DCC: variants seen among roughly 807,000 people sequenced by gnomAD.
The protein encoded by DCC is DCC netrin 1 receptor, also known as netrin receptor DCC.
A neutral mutation model predicts 172.5 loss-of-function variants in DCC; 58 were observed. That is an observed-to-expected ratio of 0.34 (90% CI 0.27 to 0.42). The LOEUF is 0.42. DCC is among the 10% of genes least tolerant of loss of function. DCC has a pLI of 1.00. For synonymous variants in DCC, 709 were observed against 644.5 expected, an observed-to-expected ratio of 1.10 and a Z score of -1.52; for missense variants, 1,740 against 1,791.0, an observed-to-expected ratio of 0.97 and a Z score of 0.51.
chr18:52,367,547 C>CT (rs1984934795), intron 1 of DCC, among the ~76,000 whole-genome samples: 1 of 152,218 alleles, frequency 6.6e-6, no homozygotes. Flanking sequence ...TGAATATTTA[C>CT]TTTGAGTCCT....
Position 53,027,699 on chromosome 18 carries a change from TCTCA to T in DCC, c.986-35602_986-35599del, listed in dbSNP as rs533727218. Reference sequence around the variant, plus strand: ...CTCTTCTTTTTCTGTCAACTTTTCTTCTCACTCCTCCTTTCCTTTCTTTTACTTT... The same window carrying T: ...CTCTTCTTTTTCTGTCAACTTTTCTTCTCCTCCTTTCCTTTCTTTTACTTT... On this transcript the variant is annotated intron_variant, in intron 5 of 28. Coordinates refer to ENST00000442544, the MANE Select transcript of DCC (RefSeq NM_005215.4). Among the ~76,000 whole-genome samples the T allele has an allele frequency of 2.5e-3, 375 of 152,242 alleles. 1 individual carries two copies. Among genetic ancestry groups the T allele is most frequent in the Non-Finnish European group, 4.5e-3 (309 of 67,998 alleles).
At chr18:52,834,598 G>A (rs1369499754) in intron 2 of DCC, among the ~76,000 whole-genome samples, 1 of 152,080 alleles carries the variant, frequency 6.6e-6, no homozygotes, top group Non-Finnish European at 1.5e-5. Context: ...AAGCACACAA[G>A]CTAATGTGTG....
intron 2 of DCC, among the ~76,000 whole-genome samples, chr18:52,782,620 G>A (rs939610507): frequency 6.6e-6 from 1 of 152,020 alleles, no homozygotes; most frequent in African/African-American, 2.4e-5. Flanking sequence ...TGGAATCTCA[G>A]CCTTTCTCCA....
At chr18:53,112,789 A>G (rs1314316068) in intron 7 of DCC, among the ~76,000 whole-genome samples, 2 of 151,516 alleles carry the variant, frequency 1.3e-5, no homozygotes, top group Non-Finnish European at 3.0e-5. Context: ...GGGCAGTGAA[A>G]CATAATAAGG....
chr18:53,211,616 C>A (rs1021491354), intron 11 of DCC, among the ~76,000 whole-genome samples: 1 of 152,028 alleles, frequency 6.6e-6, no homozygotes, highest in Non-Finnish European at 1.5e-5. Flanking sequence ...CCCAGCTACT[C>A]GGGAGGCTGA....
intron 1 of DCC, among the ~76,000 whole-genome samples, chr18:52,361,610 C>T (rs1168819772): frequency 6.6e-6 from 1 of 152,194 alleles, no homozygotes; most frequent in African/African-American, 2.4e-5. Flanking sequence ...CTCTAAAGTG[C>T]AGCCTGTGGG....
At chr18:53,343,774 C>T (rs1191972299) in intron 15 of DCC, among the ~76,000 whole-genome samples, 1 of 151,932 alleles carries the variant, frequency 6.6e-6, no homozygotes, top group Non-Finnish European at 1.5e-5. Context: ...CTAATGAAAT[C>T]ATCTGGACCT....
At chr18:52,438,473 G>A (rs1443581) in intron 1 of DCC, among the ~76,000 whole-genome samples, 52,832 of 151,940 alleles carry the variant, frequency 0.35, 12,559 homozygotes, top group African/African-American at 0.67. Flanking sequence ...CATTAACATA[G>A]TCTACTTAGC....
chr18:52,574,262 C>A lies in DCC; in HGVS notation c.92-177792C>A, dbSNP rs545157936. On this transcript the variant is annotated intron_variant, in intron 1 of 28. Coordinates refer to ENST00000442544, the MANE Select transcript of DCC (RefSeq NM_005215.4). ...TCAACCCATTGTTATTTTGGCTAAC[C>A]ATTTATGAGGAATATGTGAGTGTGG... Among the ~76,000 whole-genome samples, 4 of 152,166 alleles carry A rather than the reference C, an allele frequency of 2.6e-5. No homozygotes were observed. In the East Asian group the frequency reaches 7.7e-4, roughly 29 times the overall value.
rs182860706 is a variant in DCC at position 52,408,625 on chromosome 18, T to C, written c.91+67747T>C. Among the ~76,000 whole-genome samples the C allele has an allele frequency of 1.2e-3, 190 of 152,218 alleles. 4 individuals are homozygous for C. The highest frequency in any genetic ancestry group is 4.2e-3 in the African/African-American group (175 of 41,540). On this transcript the variant is annotated intron_variant, in intron 1 of 28. Transcript: ENST00000442544. Reference sequence around the variant, plus strand: ...TGCACATTAATGCAGTTTGGATGTATAGTTTGTTATTTTATATTCCTCTGA... The same window carrying C: ...TGCACATTAATGCAGTTTGGATGTACAGTTTGTTATTTTATATTCCTCTGA...
At chr18:52,720,304 G>A (rs919026674) in intron 1 of DCC, among the ~76,000 whole-genome samples, 4 of 152,058 alleles carry the variant, frequency 2.6e-5, no homozygotes, top group Non-Finnish European at 4.4e-5. Context: ...AACAAAGGGG[G>A]TTTTACTTGA....
chr18:53,281,675 A>T lies in DCC; in HGVS notation c.1912-23903A>T, dbSNP rs183974111. Among the ~76,000 whole-genome samples, 24 of 152,162 alleles carry T rather than the reference A, an allele frequency of 1.6e-4. 1 individual carries two copies. The East Asian group carries it at 4.3e-3, about 27-fold the overall frequency. ...TTGTTAAATACGCAGGAATTTTGCAAGGCAGTTGCTAAACTGTTATTAGTT... is the reference window on the plus strand; with the variant it reads ...TTGTTAAATACGCAGGAATTTTGCATGGCAGTTGCTAAACTGTTATTAGTT... On this transcript the variant is annotated intron_variant, in intron 12 of 28. Coordinates refer to ENST00000442544, the MANE Select transcript of DCC (RefSeq NM_005215.4).
rs368438907 is a variant in DCC at position 53,121,937 on chromosome 18, A to G, written c.1262-35419A>G. On this transcript the variant is annotated intron_variant, in intron 7 of 28. Transcript: ENST00000442544. ...GATTTATTGGAGGGTTTGAGGATCC[A>G]CTCAGTGATAAATACCCTGAGGCTC... Among the ~76,000 whole-genome samples the G allele has an allele frequency of 1.4e-3, 214 of 152,074 alleles. 4 individuals carry two copies. In the South Asian group the frequency reaches 0.042, roughly 30 times the overall value.
intron 1 of DCC, among the ~76,000 whole-genome samples, chr18:52,530,985 C>T (rs915890546): frequency 6.6e-6 from 1 of 152,190 alleles, no homozygotes; most frequent in Admixed American, 6.5e-5. Context: ...GAAATTTCAG[C>T]AAGAGATATT....
chr18:53,088,558 C>T (rs574648836), intron 7 of DCC, among the ~76,000 whole-genome samples: 8 of 151,620 alleles, frequency 5.3e-5, no homozygotes, highest in Non-Finnish European at 1.0e-4. Flanking sequence ...AATAGAGACA[C>T]TAAAATAAGA....
At chr18:52,527,244 A>T (rs537374946) in intron 1 of DCC, among the ~76,000 whole-genome samples, 2 of 152,202 alleles carry the variant, frequency 1.3e-5, no homozygotes, top group Non-Finnish European at 2.9e-5. Flanking sequence ...TTTTTCAATT[A>T]TGCAGTAATG....
chr18:53,203,774 G>A (rs986504708), intron 9 of DCC, among the ~76,000 whole-genome samples: 9 of 152,132 alleles, frequency 5.9e-5, no homozygotes, highest in African/African-American at 1.9e-4. Context: ...TCCAAGCCTG[G>A]GGAAAATACA....
At chr18:52,539,702 C>T (rs1441868014) in intron 1 of DCC, among the ~76,000 whole-genome samples, 1 of 152,116 alleles carries the variant, frequency 6.6e-6, no homozygotes, top group Non-Finnish European at 1.5e-5. Flanking sequence ...CTGTATTATA[C>T]AACATAATGA....
intron 1 of DCC, among the ~76,000 whole-genome samples, chr18:52,428,190 C>T (rs926288209): frequency 1.3e-5 from 2 of 152,044 alleles, no homozygotes; most frequent in Admixed American, 6.6e-5. Flanking sequence ...GCATATTGAT[C>T]AGCTTTCTGA....
Sources: gnomAD v4.1 joint callset for allele counts (sites outside exome capture counted in the v4.1 genomes callset) on GRCh38, gnomAD v4.1.1 for gene constraint, MANE v1.5 for transcripts, NCBI Gene and HGNC (gene_info 2026-07-23, HGNC 2026-07-21) for gene names.